The following HDAC9 variants were observed in gnomAD, a reference collection of about 807,000 sequenced individuals.
HDAC9 encodes histone deacetylase 9, also known as MEF-2 interacting transcription repressor (MITR) protein.
A neutral mutation model predicts 139.4 loss-of-function variants in HDAC9; 41 were observed. The observed-to-expected ratio is 0.29, with a 90% CI of 0.23 to 0.38. The LOEUF is 0.38. HDAC9 is among the 10% of genes least tolerant of loss of function. HDAC9 has a pLI of 1.00. For missense variants in HDAC9, 1,147 were observed against 1,297.0 expected, an observed-to-expected ratio of 0.88 and a Z score of 1.78; for synonymous variants, 517 against 476.2, an observed-to-expected ratio of 1.09 and a Z score of -1.12.
At chr7:18,941,030 G>A (rs1781990602) in intron 23 of HDAC9, among the ~76,000 whole-genome samples, 1 of 152,038 alleles carries the variant, frequency 6.6e-6, no homozygotes, top group South Asian at 2.1e-4. Context: ...TCATAGGTCT[G>A]GAAGCTGTTG....
chr7:18,977,300 T>C (rs1056661846), intron 25 of HDAC9, among the ~76,000 whole-genome samples: 1 of 152,172 alleles, frequency 6.6e-6, no homozygotes, highest in African/African-American at 2.4e-5. Flanking sequence ...GTTAGTTGTC[T>C]GTCATCTGAG....
At chr7:18,965,889 G>A (rs552454531) in intron 24 of HDAC9, among the ~76,000 whole-genome samples, 4 of 152,244 alleles carry the variant, frequency 2.6e-5, no homozygotes, top group East Asian at 3.9e-4. Flanking sequence ...AGTAAGGGGC[G>A]GGACATGTGG....
chr7:18,844,873 G>T (rs749782315), intron 21 of HDAC9, among the ~76,000 whole-genome samples: 29 of 152,230 alleles, frequency 1.9e-4, no homozygotes, highest in Middle Eastern at 3.4e-3. Flanking sequence ...TGCCTCCCCT[G>T]TAGAAGTTTC....
intron 6 of HDAC9, among the ~76,000 whole-genome samples, chr7:18,608,532 T>C (rs1374485054): frequency 1.3e-5 from 2 of 152,192 alleles, no homozygotes; most frequent in Non-Finnish European, 2.9e-5. Flanking sequence ...AAAGTTATTT[T>C]TCATAGAACC....
intron 1 of HDAC9, among the ~76,000 whole-genome samples, chr7:18,373,838 G>T (rs1784773643): frequency 6.6e-6 from 1 of 151,918 alleles, no homozygotes; most frequent in African/African-American, 2.4e-5. Flanking sequence ...CTTTTAAAGA[G>T]AAACAGTAGA....
At chr7:18,406,941 C>A (rs554591774) in intron 1 of HDAC9, among the ~76,000 whole-genome samples, 1 of 151,902 alleles carries the variant, frequency 6.6e-6, no homozygotes, top group Admixed American at 6.6e-5. Flanking sequence ...TCAGATATAT[C>A]TTCTTAGATA....
At chr7:18,353,345 A>C (rs775398992) in intron 1 of HDAC9, among the ~76,000 whole-genome samples, 1 of 152,146 alleles carries the variant, frequency 6.6e-6, no homozygotes, top group Non-Finnish European at 1.5e-5. Context: ...CTAAGATCTC[A>C]TAACTCCATG....
intron 22 of HDAC9, among the ~76,000 whole-genome samples, chr7:18,909,117 G>C (rs1472964267): frequency 6.6e-6 from 1 of 151,994 alleles, no homozygotes; most frequent in East Asian, 1.9e-4. Context: ...TCTCATTGTG[G>C]ATTTGACTTG....
intron 6 of HDAC9, among the ~76,000 whole-genome samples, chr7:18,624,838 T>TA (rs1274603076): frequency 1.3e-5 from 2 of 151,986 alleles, no homozygotes; most frequent in Admixed American, 1.3e-4. Flanking sequence ...AAATGATAGT[T>TA]ATCTATCATC....
At chr7:18,934,244 G>C (rs142586352) in intron 22 of HDAC9, among the ~76,000 whole-genome samples, 117 of 151,542 alleles carry the variant, frequency 7.7e-4, no homozygotes, top group African/African-American at 2.7e-3. Flanking sequence ...GACCCTAATG[G>C]TTTCATACGA....
intron 1 of HDAC9, among the ~76,000 whole-genome samples, chr7:18,117,913 C>A (rs1352612490): frequency 1.3e-5 from 2 of 152,134 alleles, no homozygotes; most frequent in African/African-American, 2.4e-5. Flanking sequence ...GACTCTTTCT[C>A]CTGTAGTTCC....
chr7:18,096,016 A>G (rs1782478433), intron 1 of HDAC9, among the ~76,000 whole-genome samples: 2 of 152,180 alleles, frequency 1.3e-5, no homozygotes, highest in South Asian at 4.1e-4. Context: ...AAATTCCTCA[A>G]ATAATCCCTC....
At chr7:18,832,896 C>G (rs1466541223) in intron 19 of HDAC9, among the ~76,000 whole-genome samples, 1 of 152,178 alleles carries the variant, frequency 6.6e-6, no homozygotes, top group East Asian at 1.9e-4. Context: ...CCACCATACC[C>G]AGCTAATTTT....
intron 1 of HDAC9, among the ~76,000 whole-genome samples, chr7:18,123,916 T>C (rs529018108): frequency 6.6e-6 from 1 of 152,322 alleles, no homozygotes; most frequent in African/African-American, 2.4e-5. Flanking sequence ...CCACCAAATA[T>C]GTAAGAATCT....
intron 1 of HDAC9, among the ~76,000 whole-genome samples, chr7:18,448,946 T>C (rs1792546973): frequency 6.6e-6 from 1 of 152,126 alleles, no homozygotes; most frequent in South Asian, 2.1e-4. Flanking sequence ...AATTTGCATG[T>C]CAGAGGAATA....
intron 25 of HDAC9, among the ~76,000 whole-genome samples, chr7:18,992,063 G>T (rs763542308): frequency 6.6e-6 from 1 of 152,244 alleles, no homozygotes; most frequent in Non-Finnish European, 1.5e-5. Context: ...GCTTTGGGAA[G>T]ATAAACTATG....
chr7:18,609,770 T>TCCCTCCC (rs1836574721), intron 6 of HDAC9, among the ~76,000 whole-genome samples: 1 of 139,562 alleles, frequency 7.2e-6, no homozygotes, highest in Non-Finnish European at 1.6e-5. Context: ...CCTAATGCTA[T>TCCCTCCC]CCCTCCCCCC....
At chr7:18,361,785 A>G (rs1783797611) in intron 1 of HDAC9, among the ~76,000 whole-genome samples, 1 of 152,064 alleles carries the variant, frequency 6.6e-6, no homozygotes, top group Admixed American at 6.6e-5. Flanking sequence ...AAAACACTTT[A>G]ATGTATTATT....
intron 1 of HDAC9, among the ~76,000 whole-genome samples, chr7:18,112,033 CTTACAA>C (rs1372614437): frequency 2.6e-5 from 4 of 152,212 alleles, no homozygotes; most frequent in Non-Finnish European, 5.9e-5. Flanking sequence ...AGTATGTACA[CTTACAA>C]TTAAATTGTA....
Sources: gnomAD v4.1 joint callset for allele counts (sites outside exome capture counted in the v4.1 genomes callset) on GRCh38, gnomAD v4.1.1 for gene constraint, MANE v1.5 for transcripts, NCBI Gene and HGNC (gene_info 2026-07-23, HGNC 2026-07-21) for gene names.